The following NRXN3 variants were observed in gnomAD, a reference collection of about 807,000 sequenced individuals.
NRXN3 encodes the protein neurexin 3.
In NRXN3, 32 loss-of-function variants were observed where a neutral mutation model predicts 137.6. That is an observed-to-expected ratio of 0.23 (90% CI 0.18 to 0.31). The LOEUF is 0.31. NRXN3 is among the 10% of genes least tolerant of loss of function. The pLI is 1.00. For missense variants in NRXN3, 1,574 were observed against 2,062.5 expected (o/e 0.76, Z 4.59); for synonymous variants, 798 against 784.5 (o/e 1.02, Z -0.29).
chr14:78,360,971 T>C (rs2085029101), intron 4 of NRXN3, among the ~76,000 whole-genome samples: 1 of 152,204 alleles, frequency 6.6e-6, no homozygotes, highest in African/African-American at 2.4e-5. Flanking sequence ...TGATGATGAT[T>C]TCTCACCCCA....
chr14:78,942,155 A>G (rs73325321), intron 10 of NRXN3, among the ~76,000 whole-genome samples: 1 of 152,332 alleles, frequency 6.6e-6, no homozygotes, highest in African/African-American at 2.4e-5. Flanking sequence ...CTAACAGAAT[A>G]TAGACCACAG....
At chr14:79,089,604 C>T (rs1273480705) in intron 15 of NRXN3, among the ~76,000 whole-genome samples, 3 of 152,112 alleles carry the variant, frequency 2.0e-5, no homozygotes, top group South Asian at 2.1e-4. Flanking sequence ...ACACTAAACT[C>T]GCACCTAGGA....
chr14:79,669,086 C>A (rs543605883), intron 17 of NRXN3: 2 of 152,148 alleles, frequency 1.3e-5, no homozygotes, highest in African/African-American at 4.8e-5. Context: ...TCTTTTCCTG[C>A]GAACATTTGA....
At chr14:79,184,257 C>G (rs959190619) in intron 15 of NRXN3, among the ~76,000 whole-genome samples, 1 of 152,034 alleles carries the variant, frequency 6.6e-6, no homozygotes, top group African/African-American at 2.4e-5. Context: ...GGCAACTGTT[C>G]AGTAATTTTT....
At chr14:79,424,898 A>G (rs1458776024) in intron 15 of NRXN3, among the ~76,000 whole-genome samples, 3 of 152,130 alleles carry the variant, frequency 2.0e-5, no homozygotes, top group African/African-American at 7.2e-5. Context: ...TTTTTCCTTG[A>G]TGATGAGCAT....
intron 15 of NRXN3, among the ~76,000 whole-genome samples, chr14:79,251,963 C>T (rs75971358): frequency 8.8e-4 from 134 of 152,118 alleles, no homozygotes; most frequent in African/African-American, 3.1e-3. Flanking sequence ...GGACTGCAGG[C>T]ACACCATGCC....
chr14:78,782,294 T>C (rs1309012925), intron 8 of NRXN3, among the ~76,000 whole-genome samples: 2 of 152,210 alleles, frequency 1.3e-5, no homozygotes, highest in Non-Finnish European at 2.9e-5. Context: ...CTTTTAACAT[T>C]TACCTTTCAT....
At chr14:78,328,774 A>G (rs1227590360) in intron 4 of NRXN3, among the ~76,000 whole-genome samples, 1 of 152,224 alleles carries the variant, frequency 6.6e-6, no homozygotes, top group Non-Finnish European at 1.5e-5. Context: ...GCAAAGAAGG[A>G]AAGGCTTTGA....
chr14:78,291,563 T>C (rs1381982448), intron 3 of NRXN3, among the ~76,000 whole-genome samples: 1 of 152,294 alleles, frequency 6.6e-6, no homozygotes, highest in East Asian at 1.9e-4. Flanking sequence ...CCCTTTTCTC[T>C]CTTTTCCAAA....
At chr14:78,696,832 A>G (rs2098231016) in intron 6 of NRXN3, among the ~76,000 whole-genome samples, 1 of 152,108 alleles carries the variant, frequency 6.6e-6, no homozygotes, top group South Asian at 2.1e-4. Flanking sequence ...TGACCAACCC[A>G]TAGGAAGCTC....
chr14:79,730,074 A>G (rs1425739548), intron 19 of NRXN3, among the ~76,000 whole-genome samples: 2 of 152,146 alleles, frequency 1.3e-5, no homozygotes, highest in African/African-American at 4.8e-5. Flanking sequence ...GAATCAAGGG[A>G]GAATTATACA....
intron 10 of NRXN3, among the ~76,000 whole-genome samples, chr14:78,858,932 C>T (rs1305783283): frequency 6.6e-6 from 1 of 152,108 alleles, no homozygotes; most frequent in Non-Finnish European, 1.5e-5. Context: ...CTACATTTTT[C>T]ACAGGCAGTA....
In NRXN3 at chr14:79,668,379, G is replaced by C. The variant is rs750406486; in HGVS notation, c.3616+4430G>C. 1.4e-4 allele frequency among the ~76,000 whole-genome samples: 21 copies of C among 151,936 alleles called. 2 individuals carry two copies. The highest frequency in any genetic ancestry group is 1.2e-3 in the Admixed American group (19 of 15,226). ...TTGAGCCTCACTCCATCCTGTGAAGGACAGGGTTTGGTATTATTACTCCTG... is the reference window on the plus strand; with the variant it reads ...TTGAGCCTCACTCCATCCTGTGAAGCACAGGGTTTGGTATTATTACTCCTG... On this transcript the variant is annotated intron_variant, in intron 17 of 20. Transcript: ENST00000335750.
intron 16 of NRXN3, among the ~76,000 whole-genome samples, chr14:79,489,194 G>C (rs2096687123): frequency 6.6e-6 from 1 of 152,038 alleles, no homozygotes; most frequent in Admixed American, 6.5e-5. Flanking sequence ...CTATCTGCTT[G>C]CACCAAGATT....
chr14:79,346,741 T>C (rs1291368181), intron 15 of NRXN3, among the ~76,000 whole-genome samples: 1 of 152,212 alleles, frequency 6.6e-6, no homozygotes, highest in Admixed American at 6.5e-5. Context: ...CACTCCTCGT[T>C]ATCCAGGGTT....
chr14:78,778,805 TTTC>T (rs1595780174), intron 8 of NRXN3, among the ~76,000 whole-genome samples: 6 of 130,804 alleles, frequency 4.6e-5, no homozygotes, highest in East Asian at 2.4e-4. Context: ...TCTTTCTTTC[TTTC>T]TTTCTTTCTT....
At chr14:79,237,836 G>T (rs929612169) in intron 15 of NRXN3, among the ~76,000 whole-genome samples, 1 of 152,110 alleles carries the variant, frequency 6.6e-6, no homozygotes, top group African/African-American at 2.4e-5. Context: ...ATGATTTTGT[G>T]ATCTTGCACA....
At chr14:79,506,447 C>T (rs2096879526) in intron 16 of NRXN3, among the ~76,000 whole-genome samples, 1 of 152,198 alleles carries the variant, frequency 6.6e-6, no homozygotes, top group Admixed American at 6.5e-5. Context: ...CTAAGTTTCA[C>T]AGTTATCAAC....
intron 8 of NRXN3, among the ~76,000 whole-genome samples, chr14:78,766,061 G>A (rs1359932556): frequency 6.6e-6 from 1 of 152,152 alleles, no homozygotes; most frequent in Non-Finnish European, 1.5e-5. Flanking sequence ...GTTTCAGTTG[G>A]TGCCAGAGAT....
Sources: gnomAD v4.1 joint callset for allele counts (sites outside exome capture counted in the v4.1 genomes callset) on GRCh38, gnomAD v4.1.1 for gene constraint, MANE v1.5 for transcripts, NCBI Gene and HGNC (gene_info 2026-07-23, HGNC 2026-07-21) for gene names.